Variants in RASSF5 observed in about 807,000 individuals in gnomAD.
RASSF5 encodes the protein ras association domain-containing protein 5.
Under a neutral mutation model 40.5 loss-of-function variants are expected in RASSF5, and 25 were observed. That is an observed-to-expected ratio of 0.62 (90% CI 0.45 to 0.86). The LOEUF (loss-of-function observed/expected upper bound fraction) is 0.86, where lower values mean the gene tolerates loss of function less well. Among genes scored for constraint, RASSF5 ranks in the 40% least tolerant of loss-of-function variants. The probability of loss-of-function intolerance (pLI) is 0.00; values close to 1 mark genes in which losing one functional copy is unlikely to be tolerated. For missense variants in RASSF5, 521 were observed against 572.8 expected (o/e 0.91, Z 0.92); for synonymous variants, 246 against 252.4 (o/e 0.97, Z 0.24).
chr1:206,568,367 G>A (rs1275649407), intron 2 of RASSF5, among the ~76,000 whole-genome samples: 2 of 152,172 alleles, frequency 1.3e-5, no homozygotes, highest in East Asian at 1.9e-4. Context: ...GTGAAGAGGC[G>A]CCCCAGCCCT....
At chr1:206,571,225 T>C (rs1312010090) in intron 2 of RASSF5, 2 of 152,186 alleles carry the variant, frequency 1.3e-5, no homozygotes, top group African/African-American at 4.8e-5. Context: ...TTGTAGATCA[T>C]ATATAGATCT....
In RASSF5 at chr1:206,583,273, T is replaced by G. The variant is rs1668966513; in HGVS notation, c.584T>G (p.Val195Gly). The G allele has an allele frequency of 6.2e-7, 1 of 1,608,766 alleles. No individual in the cohort carries two copies. Among genetic ancestry groups the G allele is most frequent in the Non-Finnish European group, 8.5e-7 (1 of 1,175,414 alleles). ...CCACTTCTGTGTCTCTTCCAGAATG[T>G]CTGTAAACCTGTGGAGGAGACACAG... is the stretch of plus-strand genomic sequence containing the variant. ...STLTVTFSQN[V>G]CKPVEETQRP... Residue 195 changes from valine to glycine, a missense_variant, in exon 3 of 6, where the codon GTC becomes GGC. Transcript: ENST00000579436.
chr1:206,585,372 C>T, intron 5 of RASSF5, 77 bp downstream of exon 5: 1 of 1,044,824 alleles, frequency 9.6e-7, no homozygotes, highest in Non-Finnish European at 1.5e-6. Flanking sequence ...TCCTAACTAC[C>T]TCACATAGGT....
At chr1:206,572,219 T>A (rs913291700) in intron 2 of RASSF5, among the ~76,000 whole-genome samples, 2 of 152,158 alleles carry the variant, frequency 1.3e-5, no homozygotes, top group Non-Finnish European at 2.9e-5. Context: ...CTTCAACGCA[T>A]GAAGCCAATG....
intron 1 of RASSF5, among the ~76,000 whole-genome samples, chr1:206,522,408 T>C (rs921283708): frequency 6.6e-5 from 10 of 152,178 alleles, no homozygotes; most frequent in African/African-American, 2.4e-4. Context: ...GTGCTGTGTC[T>C]TTGCACTTCT....
chr1:206,529,188 C>T (rs1377697009), intron 1 of RASSF5: 11 of 1,438,150 alleles, frequency 7.6e-6, no homozygotes, highest in Admixed American at 2.1e-5. Flanking sequence ...AGCTACTCAG[C>T]TGCTTAAGCT....
intron 1 of RASSF5, among the ~76,000 whole-genome samples, chr1:206,537,335 T>C (rs1667442782): frequency 6.6e-6 from 1 of 152,248 alleles, no homozygotes; most frequent in African/African-American, 2.4e-5. Flanking sequence ...ATGTGGTCTG[T>C]GGGCTATTTC....
At chr1:206,557,584 A>G in intron 2 of RASSF5, 2 of 1,614,188 alleles carry the variant, frequency 1.2e-6, no homozygotes, top group Non-Finnish European at 1.7e-6. Context: ...ATGACCGTGG[A>G]CAGCAGCATG....
chr1:206,582,651 G>A (rs7528718), intron 2 of RASSF5, among the ~76,000 whole-genome samples: 7,924 of 152,212 alleles, frequency 0.052, 716 homozygotes, highest in African/African-American at 0.18. Context: ...CAGTTCACTC[G>A]TTCATTTGAC....
At chr1:206,557,363 G>A (rs67223538) in intron 2 of RASSF5, 3 of 1,337,384 alleles carry the variant, frequency 2.2e-6, no homozygotes, top group Admixed American at 3.6e-5. Context: ...GCAGGTTACC[G>A]GGCCGCCCGA....
chr1:206,549,893 T>TAG (rs1667787617), intron 2 of RASSF5, among the ~76,000 whole-genome samples: 7 of 152,208 alleles, frequency 4.6e-5, no homozygotes, highest in Non-Finnish European at 1.0e-4. Context: ...CGGTTCTTTC[T>TAG]CTAGCCTTGG....
chr1:206,529,858 C>T (rs1553397726), intron 1 of RASSF5, among the ~76,000 whole-genome samples: 2 of 151,940 alleles, frequency 1.3e-5, no homozygotes, highest in East Asian at 1.9e-4. Context: ...AAGGCTGAAG[C>T]GAGCCATGTT....
chr1:206,584,692 A>G lies in RASSF5; in HGVS notation c.988+8A>G, dbSNP rs781790516. 1.2e-6 allele frequency: 2 copies of G among 1,614,104 alleles called. No homozygotes were observed. The highest frequency in any genetic ancestry group is 2.2e-5 in the South Asian group (2 of 91,084). On this transcript the variant is annotated splice_region_variant and intron_variant, in intron 4 of 5. Transcript: ENST00000579436. The surrounding 1 kb of genome is among the most constrained non-coding windows in gnomAD (Gnocchi z 4.9). ...TACACAAGGACGGACAAGGTAGGAGAAAGAGTGAACCCAACCAGACCGTTC... is the reference window on the plus strand; with the variant it reads ...TACACAAGGACGGACAAGGTAGGAGGAAGAGTGAACCCAACCAGACCGTTC...
At position 206,584,476 on chromosome 1, in the gene RASSF5, C is replaced by T. The variant is rs1553407093; in HGVS notation, c.780C>T (p.Ser260=). The T allele has an allele frequency of 6.2e-7, 1 of 1,614,172 alleles. No homozygotes were observed. Among genetic ancestry groups the T allele is most frequent in the East Asian group, 2.2e-5 (1 of 44,878 alleles). ...TGCCTGCTGGGATCCGGCCCCAGTC[C>T]ATCTATGATGCCATCAAGGAGGTGA... ...VTVPAGIRPQ[S]IYDAIKEVNL... is the part of the protein sequence containing the mutation. The change falls in exon 4 of 6, where the codon TCC becomes TCT. Residue 260 remains serine, a synonymous_variant. Transcript: ENST00000579436. The surrounding 1 kb of genome is among the most constrained non-coding windows in gnomAD (Gnocchi z 4.9).
At chr1:206,578,233 A>AAGTGT (rs1444904780) in intron 2 of RASSF5, among the ~76,000 whole-genome samples, 1 of 117,494 alleles carries the variant, frequency 8.5e-6, no homozygotes, top group Admixed American at 8.5e-5. Context: ...AAAAAAAAAA[A>AAGTGT]GTGTGTGTGT....
chr1:206,509,337 G>T (rs750096538), intron 1 of RASSF5, among the ~76,000 whole-genome samples: 9 of 152,254 alleles, frequency 5.9e-5, no homozygotes, highest in Non-Finnish European at 1.0e-4. Flanking sequence ...CCTGGGTCAA[G>T]TGGAAGGGAA....
At chr1:206,557,515 G>C in intron 2 of RASSF5, 1 of 1,604,038 alleles carries the variant, frequency 6.2e-7, no homozygotes, top group Non-Finnish European at 8.5e-7. Flanking sequence ...TCCCTCCGCC[G>C]CATCCCAAGC....
At chr1:206,543,516 T>A (rs960520297) in intron 2 of RASSF5, 1 of 152,208 alleles carries the variant, frequency 6.6e-6, no homozygotes, top group Admixed American at 6.5e-5. Flanking sequence ...ACGGTACACA[T>A]AGGACCAGGC....
At chr1:206,577,207 G>A (rs1468207310) in intron 2 of RASSF5, among the ~76,000 whole-genome samples, 4 of 152,144 alleles carry the variant, frequency 2.6e-5, no homozygotes, top group African/African-American at 9.7e-5. Context: ...TGCGTGGCCT[G>A]CAAAACCTAA....
Sources: gnomAD v4.1 joint callset for allele counts (sites outside exome capture counted in the v4.1 genomes callset) on GRCh38, gnomAD v4.1.1 for gene constraint, Gnocchi (gnomAD v3.1) non-coding constraint, MANE v1.5 for transcripts, NCBI Gene and HGNC (gene_info 2026-07-23, HGNC 2026-07-21) for gene names.